Variants in NPEPL1 observed in about 807,000 individuals in gnomAD.
The protein encoded by NPEPL1 is aminopeptidase like 1, also known as probable aminopeptidase NPEPL1.
NPEPL1 carries 45 observed loss-of-function variants against 52.4 expected under a neutral mutation model. The ratio of observed to expected loss-of-function variants is 0.86; its 90% CI spans 0.68 to 1.10. The LOEUF (loss-of-function observed/expected upper bound fraction) is 1.10. Ranked by LOEUF, NPEPL1 falls within the 50% of genes least tolerant of loss-of-function variation. The pLI, the probability that NPEPL1 is intolerant of heterozygous loss-of-function variation, is 0.00. For synonymous variants in NPEPL1, 360 were observed against 314.7 expected (o/e 1.14, Z -1.52); for missense variants, 696 against 710.9 (o/e 0.98, Z 0.24).
chr20:58,705,418 G>A, intron 6 of NPEPL1: 1 of 455,552 alleles, frequency 2.2e-6, no homozygotes, highest in Non-Finnish European at 4.4e-6. Flanking sequence ...TGTACCCAAG[G>A]GTTGAGAGTT....
intron 3 of NPEPL1, among the ~76,000 whole-genome samples, chr20:58,697,783 G>A (rs747989204): frequency 4.6e-5 from 7 of 152,254 alleles, no homozygotes; most frequent in Non-Finnish European, 1.0e-4. Flanking sequence ...GAAGCTCCCA[G>A]GGCAGATGTG....
chr20:58,710,371 A>T (rs1170031574), intron 7 of NPEPL1, among the ~76,000 whole-genome samples: 1 of 151,878 alleles, frequency 6.6e-6, no homozygotes, highest in African/African-American at 2.4e-5. Flanking sequence ...GTAAGTTTGA[A>T]ATTATTTCAC....
chr20:58,714,871 G>C, intron 11 of NPEPL1: 1 of 613,072 alleles, frequency 1.6e-6, no homozygotes, highest in East Asian at 2.8e-5. Flanking sequence ...TCCCCAGCCA[G>C]CCTGTCCTCC....
chr20:58,703,082 A>G (rs1460015740), intron 6 of NPEPL1, among the ~76,000 whole-genome samples: 1 of 152,188 alleles, frequency 6.6e-6, no homozygotes, highest in Non-Finnish European at 1.5e-5. Context: ...GTAGGAAATC[A>G]TGGGCCCTGG....
Position 58,693,008 on chromosome 20 carries a change from G to A in NPEPL1, c.108G>A (p.Trp36Ter), listed in dbSNP as rs993165538. 1.8e-6 allele frequency: 2 copies of A among 1,122,902 alleles called. No individual in the cohort carries two copies. The highest frequency in any genetic ancestry group is 1.7e-5 in the African/African-American group (1 of 59,802). 69.6% of individuals were successfully genotyped at this position (1,122,902 alleles called of 1,614,324 possible). A position where few individuals can be genotyped will look rare whatever the true frequency, so the allele number is the denominator to read the frequency against. ...GQLHHLHRVP[W>*]SHVRGKLQPR... ...TGCACCACCTGCACCGCGTGCCCTG[G>A]AGCCACGTCCGCGGGAAGCTGCAGC... The change falls in exon 1 of 12, where the codon TGG (tryptophan) becomes TGA (stop). Residue 36 changes from tryptophan to a stop codon, truncating the protein, a stop_gained. Coordinates refer to ENST00000356091, the MANE Select transcript of NPEPL1 (RefSeq NM_024663.4). LOFTEE classifies it high-confidence loss of function.
chr20:58,700,225 T>C (rs2123106064), intron 5 of NPEPL1, among the ~76,000 whole-genome samples: 1 of 152,366 alleles, frequency 6.6e-6, no homozygotes, highest in South Asian at 2.1e-4. Flanking sequence ...ATCTCATCAC[T>C]TCTACCTTTT....
rs539113102 is a variant in NPEPL1 at position 58,712,427 on chromosome 20, C to G, written c.901-52C>G. ...GAGAACCCCCAGCTCGTCCTCCCCC[C>G]TCCCCAAACCTATGACCTACAACTG... On this transcript the variant is annotated intron_variant, in intron 7 of 11. Transcript: ENST00000356091. 27 of 1,267,454 alleles carry G rather than the reference C, an allele frequency of 2.1e-5. No homozygotes were observed. The Admixed American group carries it at 2.9e-4, about 14-fold the overall frequency. The allele number at this position is 1,267,454 out of a possible 1,614,324, so 78.5% of individuals were successfully genotyped here.
chr20:58,704,071 C>T (rs2084689681), intron 6 of NPEPL1: 1 of 985,418 alleles, frequency 1.0e-6, no homozygotes. Flanking sequence ...TGAGCTGTTA[C>T]TGTGTGGAGT....
chr20:58,689,253 G>C (rs1163709508), upstream of NPEPL1: 3 of 152,164 alleles, frequency 2.0e-5, no homozygotes, highest in Non-Finnish European at 4.4e-5. Flanking sequence ...TGGCACAGGA[G>C]CTTTTCTTTT....
At position 58,713,700 on chromosome 20, in the gene NPEPL1, G is replaced by A; in HGVS notation, c.1125+157G>A. The A allele has an allele frequency of 8.4e-7, 1 of 1,197,516 alleles. No homozygotes were observed. Among genetic ancestry groups the A allele is most frequent in the East Asian group, 2.6e-5 (1 of 38,344 alleles). 74.2% of individuals were successfully genotyped at this position (1,197,516 alleles called of 1,614,324 possible). A position where few individuals can be genotyped will look rare whatever the true frequency, so the allele number is the denominator to read the frequency against. On this transcript the variant is annotated intron_variant, in intron 9 of 11. Transcript: ENST00000356091. The surrounding 1 kb of genome is among the most constrained non-coding windows in gnomAD (Gnocchi z 4.6). ...GGAGGAGCTGCCCGTCAAGCTTGGT[G>A]TGGGCAGTACCGAGGCCCAGGCTGG...
chr20:58,712,487 AG>A lies in NPEPL1; in HGVS notation c.910del (p.Asp304ThrfsTer68), dbSNP rs2084870009. ...CCCACTTCTCCCTCCAGGGTTTCAA[AG>A]ACAACCTCCACGCTGTGTTCTGCTT... The part of the protein sequence containing the change: ...FRAAIKQGFK[D>X]NLHAVFCLAE... On this transcript the variant is annotated frameshift_variant, in exon 8 of 12. Transcript: ENST00000356091. LOFTEE classifies it high-confidence loss of function. 3.1e-6 allele frequency: 5 copies of A among 1,612,102 alleles called. No homozygotes were observed. The highest frequency in any genetic ancestry group is 4.2e-6 in the Non-Finnish European group (5 of 1,178,586).
Position 58,713,991 on chromosome 20 carries a change from G to T in NPEPL1, c.1200G>T (p.Ala400=). The T allele has an allele frequency of 6.6e-7, 1 of 1,523,524 alleles. No individual in the cohort carries two copies. The highest frequency in any genetic ancestry group is 8.8e-7 in the Non-Finnish European group (1 of 1,138,882). The allele number at this position is 1,523,524 out of a possible 1,614,324, so 94.4% of individuals were successfully genotyped here. Residue 400 remains alanine, a synonymous_variant, in exon 10 of 12, where the codon GCG becomes GCT. Coordinates refer to ENST00000356091, the MANE Select transcript of NPEPL1 (RefSeq NM_024663.4). The surrounding 1 kb of genome is among the most constrained non-coding windows in gnomAD (Gnocchi z 4.6). ...SAEWEAACVK[A]GRKCGDLVHP... is the part of the protein sequence containing the mutation. Reference sequence around the variant, plus strand: ...AGTGGGAGGCCGCCTGTGTGAAGGCGGGCAGGAAGTGTGGGGACCTGGTGC... The same window carrying T: ...AGTGGGAGGCCGCCTGTGTGAAGGCTGGCAGGAAGTGTGGGGACCTGGTGC...
chr20:58,695,077 G>C (rs2084444433), intron 3 of NPEPL1, among the ~76,000 whole-genome samples: 1 of 138,494 alleles, frequency 7.2e-6, no homozygotes, highest in South Asian at 2.3e-4. Context: ...AGTGGTGTGT[G>C]TGGTGTACGT....
At position 58,712,462 on chromosome 20, in the gene NPEPL1, C is replaced by G. The variant is rs1216628998; in HGVS notation, c.901-17C>G. On this transcript the variant is annotated splice_polypyrimidine_tract_variant and intron_variant, in intron 7 of 11. Transcript: ENST00000356091. ...CTATGACCTACAACTGGAGCCTCTG[C>G]CCACTTCTCCCTCCAGGGTTTCAAA... 2 of 1,586,700 alleles carry G rather than the reference C, an allele frequency of 1.3e-6. No individual in the cohort carries two copies. The highest frequency in any genetic ancestry group is 3.3e-5 in the Admixed American group (2 of 59,940).
At position 58,692,981 on chromosome 20, in the gene NPEPL1, G is replaced by T. The variant is rs1339623492; in HGVS notation, c.81G>T (p.Gln27His). The change falls in exon 1 of 12, where the codon CAG becomes CAT. Residue 27 changes from glutamine to histidine, a missense_variant. By Grantham distance (24) the Gln-to-His change is conservative. Transcript: ENST00000356091. This position sits in a 1 kb window ranked among gnomAD's most constrained non-coding sequence, Gnocchi z 5.7. ...PQSRPLLLLG[Q>H]LHHLHRVPWS... ...GCCGGCCCCTGCTGCTGCTCGGGCA[G>T]CTGCACCACCTGCACCGCGTGCCCT... The T allele has an allele frequency of 1.7e-6, 2 of 1,193,476 alleles. No individual in the cohort carries two copies. The highest frequency in any genetic ancestry group is 9.4e-5 in the East Asian group (2 of 21,368). 73.9% of individuals were successfully genotyped at this position (1,193,476 alleles called of 1,614,324 possible).
chr20:58,694,645 G>A, intron 3 of NPEPL1, 53 bp downstream of exon 3: 4 of 1,527,678 alleles, frequency 2.6e-6, no homozygotes, highest in East Asian at 4.9e-5. Flanking sequence ...AGATCGGGCA[G>A]GTGGGAGGGA....
At chr20:58,714,485 G>A in intron 10 of NPEPL1, 75 bp from the exon 11 acceptor site, 1 of 1,088,210 alleles carries the variant, frequency 9.2e-7, no homozygotes, top group South Asian at 1.5e-5. Flanking sequence ...CAGCAATAGT[G>A]ACAGGCGATG....
chr20:58,712,981 G>A (rs1318186211), intron 8 of NPEPL1: 4 of 372,110 alleles, frequency 1.1e-5, no homozygotes, highest in Admixed American at 7.4e-5. Flanking sequence ...GGCAGCTGAG[G>A]AGCAAGTGGC....
chr20:58,715,128 G>A, intron 11 of NPEPL1, 40 bp from the exon 12 acceptor site: 1 of 1,564,000 alleles, frequency 6.4e-7, no homozygotes, highest in Non-Finnish European at 8.6e-7. Flanking sequence ...CTGTGCTGCA[G>A]CCCCACGCCC....
Sources: gnomAD v4.1 joint callset for allele counts (sites outside exome capture counted in the v4.1 genomes callset) on GRCh38, gnomAD v4.1.1 for gene constraint, Gnocchi (gnomAD v3.1) non-coding constraint, MANE v1.5 for transcripts, NCBI Gene and HGNC (gene_info 2026-07-23, HGNC 2026-07-21) for gene names.